Variants in TMEM163 observed in about 807,000 individuals in gnomAD.
TMEM163 encodes the protein transmembrane protein 163.
Under a neutral mutation model 29.3 loss-of-function variants are expected in TMEM163, and 17 were observed. That is an observed-to-expected ratio of 0.58 (90% CI 0.40 to 0.87). TMEM163 has a LOEUF of 0.87. Ranked by LOEUF, TMEM163 falls within the 40% of genes least tolerant of loss-of-function variation. The pLI is 0.00. For synonymous variants in TMEM163, 157 were observed against 160.6 expected (o/e 0.98, Z 0.17); for missense variants, 303 against 381.5 (o/e 0.79, Z 1.71).
chr2:134,544,529 C>T (rs1192735681), intron 4 of TMEM163, among the ~76,000 whole-genome samples: 2 of 152,160 alleles, frequency 1.3e-5, no homozygotes, highest in African/African-American at 4.8e-5. Context: ...AGTGGTGGCT[C>T]GTGCCTGTAA....
At chr2:134,507,461 T>A (rs762733196) in intron 4 of TMEM163, among the ~76,000 whole-genome samples, 1 of 152,160 alleles carries the variant, frequency 6.6e-6, no homozygotes, top group Non-Finnish European at 1.5e-5. Context: ...AAAAGCAAAT[T>A]CTGAGTGAGT....
chr2:134,582,063 G>A (rs1227241905), intron 2 of TMEM163, among the ~76,000 whole-genome samples: 1 of 152,138 alleles, frequency 6.6e-6, no homozygotes, highest in African/African-American at 2.4e-5. Context: ...GAGAGCACAA[G>A]GTATGCAAGA....
intron 5 of TMEM163, among the ~76,000 whole-genome samples, chr2:134,490,228 G>A (rs1679400821): frequency 6.6e-6 from 1 of 152,162 alleles, no homozygotes; most frequent in African/African-American, 2.4e-5. Context: ...TCGGGGGCAG[G>A]GTTAGCTAAA....
intron 2 of TMEM163, among the ~76,000 whole-genome samples, chr2:134,674,166 G>A (rs1429344198): frequency 6.6e-6 from 1 of 152,000 alleles, no homozygotes; most frequent in African/African-American, 2.4e-5. Context: ...TCCCATATCT[G>A]AGAGTATACT....
chr2:134,561,165 C>T (rs56403836), intron 2 of TMEM163, among the ~76,000 whole-genome samples: 2,075 of 152,326 alleles, frequency 0.014, 43 homozygotes, highest in African/African-American at 0.048. Context: ...AGACCTCACA[C>T]GCCAGAGCTA....
intron 2 of TMEM163, among the ~76,000 whole-genome samples, chr2:134,710,030 T>A (rs1347211840): frequency 6.6e-6 from 1 of 152,196 alleles, no homozygotes; most frequent in Admixed American, 6.5e-5. Context: ...CTGGAAGCCA[T>A]CCACTTCCAG....
At chr2:134,646,030 C>T (rs1352905707) in intron 2 of TMEM163, among the ~76,000 whole-genome samples, 2 of 151,646 alleles carry the variant, frequency 1.3e-5, no homozygotes, top group Non-Finnish European at 2.9e-5. Context: ...GACATTTATT[C>T]ACTTACAGTA....
chr2:134,606,590 G>A lies in TMEM163; in HGVS notation c.323-54499C>T, dbSNP rs182065684. ...CCCCTGGAAGAGTCGGGCTGGGGAA[G>A]AGGAGCTGCGCGAAGACAGGGGCTG... On this transcript the variant is annotated intron_variant, in intron 2 of 7. Coordinates refer to ENST00000281924, the MANE Select transcript of TMEM163 (RefSeq NM_030923.5). 6.6e-5 allele frequency among the ~76,000 whole-genome samples: 10 copies of A among 152,310 alleles called. No homozygotes were observed. The East Asian group carries it at 1.9e-3, about 29-fold the overall frequency.
intron 2 of TMEM163, among the ~76,000 whole-genome samples, chr2:134,578,234 C>CA (rs1476474959): frequency 2.0e-5 from 3 of 152,064 alleles, no homozygotes; most frequent in African/African-American, 7.2e-5. Flanking sequence ...AGATTTTGCT[C>CA]AAAAAAGAAA....
chr2:134,567,657 C>T (rs1161091646), intron 2 of TMEM163, among the ~76,000 whole-genome samples: 1 of 152,154 alleles, frequency 6.6e-6, no homozygotes, highest in Non-Finnish European at 1.5e-5. Flanking sequence ...CACCATTGCA[C>T]TCTAGCCTAA....
intron 2 of TMEM163, among the ~76,000 whole-genome samples, chr2:134,646,723 G>A (rs1263992155): frequency 6.6e-6 from 1 of 152,152 alleles, no homozygotes; most frequent in Non-Finnish European, 1.5e-5. Context: ...AGGATTATAG[G>A]CATGAGCCAC....
chr2:134,714,162 A>C (rs925372830), intron 1 of TMEM163, among the ~76,000 whole-genome samples: 2 of 138,838 alleles, frequency 1.4e-5, no homozygotes, highest in Non-Finnish European at 3.0e-5. Flanking sequence ...AAATGTCTTC[A>C]GAATGTCTTG....
chr2:134,611,999 C>A (rs562653922), intron 2 of TMEM163, among the ~76,000 whole-genome samples: 12 of 152,308 alleles, frequency 7.9e-5, no homozygotes, highest in Non-Finnish European at 1.5e-5. Context: ...GAAGAAACAC[C>A]GGAAAACCAA....
intron 2 of TMEM163, among the ~76,000 whole-genome samples, chr2:134,670,388 C>T (rs1484434573): frequency 1.3e-5 from 2 of 152,220 alleles, no homozygotes; most frequent in Non-Finnish European, 2.9e-5. Flanking sequence ...GCATGGCCTC[C>T]TGTGCTTCCA....
At chr2:134,567,877 G>A (rs1681331573) in intron 2 of TMEM163, among the ~76,000 whole-genome samples, 1 of 152,134 alleles carries the variant, frequency 6.6e-6, no homozygotes. Flanking sequence ...CAAGCCCTGG[G>A]CAGATACAAA....
chr2:134,616,862 T>C (rs1344228818), intron 2 of TMEM163, among the ~76,000 whole-genome samples: 1 of 152,178 alleles, frequency 6.6e-6, no homozygotes, highest in Non-Finnish European at 1.5e-5. Context: ...GTTTTTAAAA[T>C]GAAGGCAAAA....
chr2:134,554,853 C>A (rs1681015696), intron 2 of TMEM163, among the ~76,000 whole-genome samples: 1 of 152,170 alleles, frequency 6.6e-6, no homozygotes, highest in Admixed American at 6.5e-5. Context: ...TATTCTCTAT[C>A]CCACCTGCAC....
At chr2:134,646,044 G>A (rs919944253) in intron 2 of TMEM163, among the ~76,000 whole-genome samples, 22 of 151,468 alleles carry the variant, frequency 1.5e-4, no homozygotes, top group African/African-American at 4.8e-4. Context: ...TACAGTATCT[G>A]AGGATTAACA....
intron 2 of TMEM163, among the ~76,000 whole-genome samples, chr2:134,552,397 GGGAA>G: frequency 2.0e-5 from 3 of 152,078 alleles, no homozygotes; most frequent in Admixed American, 1.3e-4. Context: ...TTTAGCAACT[GGGAA>G]CTATATCAAA....
Sources: allele counts gnomAD v4.1 joint callset (sites outside exome capture counted in the v4.1 genomes callset), GRCh38; gene constraint gnomAD v4.1.1; transcripts MANE v1.5; gene names NCBI Gene and HGNC (gene_info 2026-07-23, HGNC 2026-07-21).